Variants in SLC18A1 observed in about 807,000 individuals in gnomAD.
The protein encoded by SLC18A1 is chromaffin granule amine transporter.
A neutral mutation model predicts 53.7 loss-of-function variants in SLC18A1; 69 were observed. The ratio of observed to expected loss-of-function variants is 1.28; its 90% CI spans 1.06 to 1.57. The LOEUF (loss-of-function observed/expected upper bound fraction) is 1.57, where lower values mean the gene tolerates loss of function less well. SLC18A1 is among the 40% of genes most tolerant of loss of function. SLC18A1 has a pLI of 0.00. For missense variants in SLC18A1, 932 were observed against 668.1 expected (o/e 1.40, Z -4.35); for synonymous variants, 320 against 248.1 (o/e 1.29, Z -2.72).
In SLC18A1 at chr8:20,145,613, C is replaced by G. The variant is rs1240138866; in HGVS notation, c.*150G>C. 1 of 520,826 alleles carries G rather than the reference C, an allele frequency of 1.9e-6. No individual in the cohort carries two copies. Among genetic ancestry groups the G allele is most frequent in the Non-Finnish European group, 3.4e-6 (1 of 293,064 alleles). The allele number at this position is 520,826 out of a possible 1,614,324, so 32.3% of individuals were successfully genotyped here. On this transcript the variant is annotated 3_prime_UTR_variant, in exon 16 of 16. Transcript: ENST00000276373. ...CAAGTTACACAGGTGAGAAGAGTAT[C>G]AGGGACAGTGTCCATGGGAGGGGAG...
At chr8:20,166,215 A>C (rs28520251) in intron 8 of SLC18A1, among the ~76,000 whole-genome samples, 7,831 of 147,680 alleles carry the variant, frequency 0.053, 563 homozygotes, top group East Asian at 0.28. Flanking sequence ...CTACCTAAAC[A>C]TAGGAGATGG....
At chr8:20,171,361 C>G (rs372753416) in intron 7 of SLC18A1, 44 bp downstream of exon 7, 4 of 1,544,002 alleles carry the variant, frequency 2.6e-6, no homozygotes, top group East Asian at 2.2e-5. Flanking sequence ...CATTCCCAAC[C>G]TGACCTGGGC....
chr8:20,149,590 C>G, intron 12 of SLC18A1, 86 bp downstream of exon 12: 1 of 177,264 alleles, frequency 5.6e-6, no homozygotes, highest in South Asian at 2.1e-4. Flanking sequence ...CTCTCTCTCC[C>G]TCTCTCTCTC....
At chr8:20,177,720 G>A (rs2072285933) in intron 4 of SLC18A1, among the ~76,000 whole-genome samples, 2 of 152,176 alleles carry the variant, frequency 1.3e-5, no homozygotes, top group African/African-American at 2.4e-5. Context: ...AGGGCCATCG[G>A]GAACCAAGGC....
chr8:20,174,492 G>T (rs765554505), intron 4 of SLC18A1, 48 bp from the exon 5 acceptor site: 5 of 1,301,594 alleles, frequency 3.8e-6, no homozygotes, highest in South Asian at 3.6e-5. Context: ...AATTGCCTTT[G>T]CTTCCCCAGC....
chr8:20,164,764 A>G, intron 10 of SLC18A1, 105 bp downstream of exon 10: 1 of 844,930 alleles, frequency 1.2e-6, no homozygotes, highest in Non-Finnish European at 1.9e-6. Context: ...GTGGGAGGTC[A>G]TTCTACAAAG....
At chr8:20,172,563 G>A (rs2072150175) in intron 6 of SLC18A1, among the ~76,000 whole-genome samples, 2 of 152,180 alleles carry the variant, frequency 1.3e-5, no homozygotes, top group Admixed American at 1.3e-4. Context: ...GGGTTTCCAA[G>A]CCCAGAAAAT....
intron 1 of SLC18A1, chr8:20,181,681 C>A (rs2072431749): frequency 6.6e-6 from 1 of 152,056 alleles, no homozygotes; most frequent in South Asian, 2.1e-4. Flanking sequence ...CTAGGTGCTA[C>A]CCCAAAATAT....
rs148501007 is a variant in SLC18A1 at position 20,149,795 on chromosome 8, G to T, written c.1095-68C>A. ...TCCCCTCCACCTGTACCCCATCACC[G>T]CCATGCTGACCTGTCCCACCAGCCC... On this transcript the variant is annotated intron_variant, in intron 11 of 15. Coordinates refer to ENST00000276373, the MANE Select transcript of SLC18A1 (RefSeq NM_003053.4). 1,846 of 1,464,916 alleles carry T rather than the reference G, an allele frequency of 1.3e-3. 14 individuals carry two copies. The African/African-American group carries it at 0.023, about 18-fold the overall frequency. The allele number at this position is 1,464,916 out of a possible 1,614,324, so 90.7% of individuals were successfully genotyped here.
Position 20,179,274 on chromosome 8 carries a change from G to C in SLC18A1, c.335C>G (p.Pro112Arg). ...WMNDTASTIP[P>R]PATEAISAHK... ...AGCTGAGATGGCTTCAGTGGCTGGA[G>C]GTGGGATGGTGCTGGCAGTGTCATT... is the stretch of plus-strand genomic sequence containing the variant. The change falls in exon 3 of 16, where the codon CCT becomes CGT. Residue 112 changes from proline (P) to arginine (R), a missense_variant. Transcript: ENST00000276373. The C allele has an allele frequency of 6.2e-7, 1 of 1,614,232 alleles. No individual in the cohort carries two copies. The highest frequency in any genetic ancestry group is 1.7e-5 in the Admixed American group (1 of 60,036).
At chr8:20,174,055 C>A (rs546633886) in intron 5 of SLC18A1, among the ~76,000 whole-genome samples, 5 of 152,124 alleles carry the variant, frequency 3.3e-5, no homozygotes, top group African/African-American at 1.2e-4. Flanking sequence ...CACCACCATG[C>A]CTGGCTAACT....
intron 12 of SLC18A1, among the ~76,000 whole-genome samples, chr8:20,148,824 C>G (rs2071472520): frequency 6.6e-6 from 1 of 152,150 alleles, no homozygotes; most frequent in Non-Finnish European, 1.5e-5. Context: ...TATAAATTAT[C>G]AATAGTATTG....
At chr8:20,153,676 A>G (rs1409050719) in intron 10 of SLC18A1, among the ~76,000 whole-genome samples, 2 of 152,054 alleles carry the variant, frequency 1.3e-5, no homozygotes, top group Non-Finnish European at 2.9e-5. Flanking sequence ...CAAAAAAAAA[A>G]AGAAAGAAGT....
At chr8:20,163,790 T>C (rs1453061067) in intron 10 of SLC18A1, among the ~76,000 whole-genome samples, 1 of 152,094 alleles carries the variant, frequency 6.6e-6, no homozygotes, top group Admixed American at 6.6e-5. Context: ...CCAGATAGCA[T>C]TGAGAAAGCT....
intron 2 of SLC18A1, 142 bp downstream of exon 2, chr8:20,180,699 C>A: frequency 9.7e-7 from 1 of 1,034,186 alleles, no homozygotes; most frequent in Non-Finnish European, 1.4e-6. Flanking sequence ...GGCTTTTTTC[C>A]AGTCCCCAAC....
intron 8 of SLC18A1, among the ~76,000 whole-genome samples, chr8:20,168,698 A>T (rs570092750): frequency 6.6e-6 from 1 of 152,236 alleles, no homozygotes; most frequent in East Asian, 1.9e-4. Context: ...CCTCCTGAGT[A>T]GCTGGGATTA....
At position 20,171,863 on chromosome 8, in the gene SLC18A1, A is replaced by G. The variant is rs181340759; in HGVS notation, c.725-369T>C. 9.1e-4 allele frequency among the ~76,000 whole-genome samples: 138 copies of G among 152,308 alleles called. 2 individuals are homozygous for G. Among genetic ancestry groups the G allele is most frequent in the African/African-American group, 3.2e-3 (135 of 41,566 alleles). ...ACGAGGGCTTTGCCAAGTGTAGAGTATCTGGAGGGGAAGAAGCTTGTGTGA... is the reference window on the plus strand; with the variant it reads ...ACGAGGGCTTTGCCAAGTGTAGAGTGTCTGGAGGGGAAGAAGCTTGTGTGA... On this transcript the variant is annotated intron_variant, in intron 6 of 15. Transcript: ENST00000276373.
At chr8:20,169,162 A>G (rs1311988167) in intron 8 of SLC18A1, among the ~76,000 whole-genome samples, 1 of 152,210 alleles carries the variant, frequency 6.6e-6, no homozygotes, top group Non-Finnish European at 1.5e-5. Context: ...AGGCTACGGT[A>G]TCATGAAGAA....
chr8:20,182,486 T>C (rs2072453888), intron 1 of SLC18A1, among the ~76,000 whole-genome samples: 2 of 152,264 alleles, frequency 1.3e-5, no homozygotes, highest in Admixed American at 6.5e-5. Context: ...AGTAGAGAGA[T>C]ACTCAAATGC....
Sources: allele counts gnomAD v4.1 joint callset (sites outside exome capture counted in the v4.1 genomes callset), GRCh38; gene constraint gnomAD v4.1.1; transcripts MANE v1.5; gene names NCBI Gene and HGNC (gene_info 2026-07-23, HGNC 2026-07-21).